The following ZMYM5 variants were observed in gnomAD, a reference collection of about 807,000 sequenced individuals.
ZMYM5 encodes the protein zinc finger MYM-type containing 5.
ZMYM5 carries 41 observed loss-of-function variants against 61.8 expected under a neutral mutation model. The observed-to-expected ratio is 0.66, with a 90% CI of 0.52 to 0.86. The LOEUF is 0.86. ZMYM5 is among the 40% of genes least tolerant of loss of function. The pLI is 0.00. For synonymous variants in ZMYM5, 257 were observed against 276.4 expected (o/e 0.93, Z 0.70); for missense variants, 706 against 786.7 (o/e 0.90, Z 1.23).
chr13:19,857,980 TC>T (rs1416384657), intron 2 of ZMYM5, among the ~76,000 whole-genome samples: 1 of 151,630 alleles, frequency 6.6e-6, no homozygotes, highest in Non-Finnish European at 1.5e-5. Flanking sequence ...ACCACTGCAC[TC>T]CAGCCTGGGC....
At position 19,851,372 on chromosome 13, in the gene ZMYM5, G is replaced by A; in HGVS notation, c.569C>T (p.Ala190Val). 1 of 1,613,988 alleles carries A rather than the reference G, an allele frequency of 6.2e-7. No homozygotes were observed. Among genetic ancestry groups the A allele is most frequent in the South Asian group, 1.1e-5 (1 of 91,078 alleles). Residue 190 changes from alanine (A) to valine (V), a missense_variant, in exon 4 of 8, where the codon GCA (alanine) becomes GTA (valine). By Grantham distance (64) the Ala-to-Val change is moderately conservative. Transcript: ENST00000337963. ...CTGCTTACCAGGACTATGATGAGTT[G>A]CAAATTCTCCATTCTGAAATAAGTC... ...AGDLFQNGEF[A>V]THHSPDSWIS...
intron 7 of ZMYM5, among the ~76,000 whole-genome samples, chr13:19,835,059 T>C (rs1032539727): frequency 6.6e-6 from 1 of 151,560 alleles, no homozygotes; most frequent in Admixed American, 6.6e-5. Flanking sequence ...GGTACAATCA[T>C]AGTTCACTGT....
chr13:19,824,426 T>C lies in ZMYM5; in HGVS notation c.*51A>G, dbSNP rs537327274. 4 of 1,253,652 alleles carry C rather than the reference T, an allele frequency of 3.2e-6. No individual in the cohort carries two copies. In the South Asian group the frequency reaches 6.1e-5, roughly 19 times the overall value. The allele number at this position is 1,253,652 out of a possible 1,614,324, so 77.7% of individuals were successfully genotyped here. On this transcript the variant is annotated 3_prime_UTR_variant, in exon 8 of 8. Transcript: ENST00000337963. ...ACTGACTATTGCAGGACAGATGTTT[T>C]CTGAGTAATGTAAGATTCTGATCAT...
At position 19,845,945 on chromosome 13, in the gene ZMYM5, C is replaced by G. The variant is rs569846681; in HGVS notation, c.586+5410G>C. Among the ~76,000 whole-genome samples the G allele has an allele frequency of 3.5e-4, 54 of 152,178 alleles. 1 individual carries two copies. Among genetic ancestry groups the G allele is most frequent in the Non-Finnish European group, 7.2e-4 (49 of 68,042 alleles). On this transcript the variant is annotated intron_variant, in intron 4 of 7. Coordinates refer to ENST00000337963, the MANE Select transcript of ZMYM5 (RefSeq NM_001142684.2). ...CTCAGCTCCAGATCCCCTCCTCTCCCAGACTTTGGGCTGGCTCAAAGACCC... is the reference window on the plus strand; with the variant it reads ...CTCAGCTCCAGATCCCCTCCTCTCCGAGACTTTGGGCTGGCTCAAAGACCC...
rs1461588415 is a variant in ZMYM5, at chr13:19,851,349, G to A, written c.586+6C>T. ...TGAGGTAGAAACAGTATCACTTACT[G>A]CTTACCAGGACTATGATGAGTTGCA... On this transcript the variant is annotated splice_donor_region_variant and intron_variant, in intron 4 of 7. Transcript: ENST00000337963. 3 of 1,611,130 alleles carry A rather than the reference G, an allele frequency of 1.9e-6. No individual in the cohort carries two copies. The highest frequency in any genetic ancestry group is 2.2e-5 in the South Asian group (2 of 91,010).
In ZMYM5 at chr13:19,835,686, G is replaced by A. The variant is rs369951273; in HGVS notation, c.1042C>T (p.Arg348Cys). The A allele has an allele frequency of 8.4e-5, 115 of 1,366,426 alleles. No individual in the cohort carries two copies. The highest frequency in any genetic ancestry group is 2.7e-4 in the African/African-American group (18 of 67,786). The allele number at this position is 1,366,426 out of a possible 1,614,324, so 84.6% of individuals were successfully genotyped here. A position where few individuals can be genotyped will look rare whatever the true frequency, so the allele number is the denominator to read the frequency against. The change falls in exon 7 of 8, where the codon CGC becomes TGC. Residue 348 changes from arginine (R) to cysteine (C), a missense_variant. By Grantham distance (180) the Arg-to-Cys change is radical (BLOSUM62 -3). This residue lies in a region of ZMYM5 where 480 missense variants were observed against 461.7 expected (regional missense o/e 1.04). Coordinates refer to ENST00000337963, the MANE Select transcript of ZMYM5 (RefSeq NM_001142684.2). ...ACATTATTTACGCTGACTTCATGGC[G>A]AATCTAAAAGAAAAACCAGAATTCA... ...CTICSKLAEI[R>C]HEVSVNNVTH...
chr13:19,858,516 T>C (rs1284574165), intron 2 of ZMYM5, among the ~76,000 whole-genome samples: 1 of 136,142 alleles, frequency 7.3e-6, no homozygotes, highest in Non-Finnish European at 1.5e-5. Context: ...GCCTGGGAGA[T>C]AGAGGCTGCA....
At chr13:19,827,286 C>T (rs1377490290) in intron 7 of ZMYM5, among the ~76,000 whole-genome samples, 2 of 151,972 alleles carry the variant, frequency 1.3e-5, no homozygotes, top group Non-Finnish European at 1.5e-5. Flanking sequence ...AATACATGGG[C>T]CCAAACACAC....
At chr13:19,844,356 G>A (rs1369174765) in intron 4 of ZMYM5, among the ~76,000 whole-genome samples, 3 of 152,102 alleles carry the variant, frequency 2.0e-5, no homozygotes, top group Admixed American at 6.6e-5. Flanking sequence ...ATTTTCAATG[G>A]ACATTATTTC....
Position 19,836,162 on chromosome 13 carries a change from T to C in ZMYM5, c.1039-473A>G, listed in dbSNP as rs185866289. 1.4e-3 allele frequency among the ~76,000 whole-genome samples: 208 copies of C among 152,294 alleles called. 2 individuals are homozygous for C. Among genetic ancestry groups the C allele is most frequent in the African/African-American group, 4.7e-3 (196 of 41,574 alleles). On this transcript the variant is annotated intron_variant, in intron 6 of 7. Transcript: ENST00000337963. ...TAAAAAGCATATTTTATTTTTTCCT[T>C]TATTTGTAAGATCACTTTGATTTCA...
intron 4 of ZMYM5, among the ~76,000 whole-genome samples, chr13:19,846,706 C>A (rs575239870): frequency 8.6e-5 from 13 of 151,716 alleles, no homozygotes; most frequent in Non-Finnish European, 1.8e-4. Context: ...CATTCAAAAT[C>A]AATAGATTTT....
At chr13:19,837,458 T>C in intron 6 of ZMYM5, 198 bp downstream of exon 6, 4 of 1,569,442 alleles carry the variant, frequency 2.5e-6, no homozygotes, top group Non-Finnish European at 3.4e-6. Flanking sequence ...AGATGTGTAC[T>C]TTCCATGCTA....
intron 7 of ZMYM5, among the ~76,000 whole-genome samples, chr13:19,832,201 T>TA (rs1230755793): frequency 6.6e-6 from 1 of 152,044 alleles, no homozygotes; most frequent in East Asian, 1.9e-4. Context: ...TATTTAGTAG[T>TA]AAAAAATTTA....
At chr13:19,843,158 C>A (rs1291072858) in intron 4 of ZMYM5, among the ~76,000 whole-genome samples, 1 of 150,140 alleles carries the variant, frequency 6.7e-6, no homozygotes, top group Non-Finnish European at 1.5e-5. Context: ...TAGAGTCTCA[C>A]TCCGTCACCG....
chr13:19,841,820 T>TC (rs1952888659), intron 4 of ZMYM5: 1 of 152,074 alleles, frequency 6.6e-6, no homozygotes, highest in African/African-American at 2.4e-5. Flanking sequence ...TAATCCTATT[T>TC]TTTTTTTCTT....
Position 19,835,664 on chromosome 13 carries a change from T to A in ZMYM5, c.1064A>T (p.Asn355Ile), listed in dbSNP as rs189039493. 11 of 1,367,572 alleles carry A rather than the reference T, an allele frequency of 8.0e-6. No homozygotes were observed. The East Asian group carries it at 5.0e-4, about 62-fold the overall frequency. The allele number at this position is 1,367,572 out of a possible 1,614,324, so 84.7% of individuals were successfully genotyped here. A position where few individuals can be genotyped will look rare whatever the true frequency, so the allele number is the denominator to read the frequency against. The change falls in exon 7 of 8, where the codon AAT becomes ATT. Residue 355 changes from asparagine (N) to isoleucine (I), a missense_variant. Physicochemically the swap from Asn to Ile is moderately radical, Grantham distance 149 (BLOSUM62 -3). Coordinates refer to ENST00000337963, the MANE Select transcript of ZMYM5 (RefSeq NM_001142684.2). ...AEIRHEVSVN[N>I]VTHKLCSNHC... ...GTTACTGCACAGTTTATGTGTTACA[T>A]TATTTACGCTGACTTCATGGCGAAT...
chr13:19,858,438 A>T (rs531348576), intron 2 of ZMYM5, among the ~76,000 whole-genome samples: 1 of 151,824 alleles, frequency 6.6e-6, no homozygotes, highest in East Asian at 2.0e-4. Context: ...TACAAAAATT[A>T]GCCAGGCATA....
At chr13:19,850,471 C>A (rs947083313) in intron 4 of ZMYM5, among the ~76,000 whole-genome samples, 2 of 151,880 alleles carry the variant, frequency 1.3e-5, no homozygotes, top group Admixed American at 1.3e-4. Flanking sequence ...TGGAGACGGG[C>A]GTGCTTGTAA....
intron 7 of ZMYM5, among the ~76,000 whole-genome samples, chr13:19,831,660 C>A (rs1891221756): frequency 6.6e-6 from 1 of 151,034 alleles, no homozygotes; most frequent in African/African-American, 2.4e-5. Flanking sequence ...ATTAGCAGGG[C>A]ATGGTGATGC....
Sources: allele counts gnomAD v4.1 joint callset (sites outside exome capture counted in the v4.1 genomes callset), GRCh38; gene constraint gnomAD v4.1.1; regional missense constraint gnomAD v4.1.1; transcripts MANE v1.5; gene names NCBI Gene and HGNC (gene_info 2026-07-23, HGNC 2026-07-21).